COL21A1: variants seen among roughly 807,000 people sequenced by gnomAD.
COL21A1 encodes collagen alpha-1(XXI) chain.
COL21A1 carries 149 observed loss-of-function variants against 137.9 expected under a neutral mutation model. The ratio of observed to expected loss-of-function variants is 1.08; its 90% confidence interval spans 0.95 to 1.24. The LOEUF (loss-of-function observed/expected upper bound fraction) is 1.24. COL21A1 is among the 50% of genes most tolerant of loss of function. COL21A1 has a pLI of 0.00. For missense variants in COL21A1, 1,167 were observed against 1,158.4 expected, an observed-to-expected ratio of 1.01 and a Z score of -0.11; for synonymous variants, 456 against 391.5, an observed-to-expected ratio of 1.16 and a Z score of -1.95.
At chr6:56,124,679 T>C (rs974701970) in intron 14 of COL21A1, among the ~76,000 whole-genome samples, 1 of 152,196 alleles carries the variant, frequency 6.6e-6, no homozygotes, top group African/African-American at 2.4e-5. Flanking sequence ...TCTCACTCTG[T>C]TGCCCAGGCT....
intron 3 of COL21A1, among the ~76,000 whole-genome samples, chr6:56,171,582 T>C (rs1335603927): frequency 6.6e-6 from 1 of 151,970 alleles, no homozygotes; most frequent in Non-Finnish European, 1.5e-5. Flanking sequence ...AATTCTTTTC[T>C]TGCATTCTTA....
intron 17 of COL21A1, among the ~76,000 whole-genome samples, chr6:56,093,621 C>T (rs1308126156): frequency 2.0e-5 from 3 of 152,152 alleles, no homozygotes; most frequent in African/African-American, 2.4e-5. Flanking sequence ...CCCTGCCAGC[C>T]TTGGAACCAC....
chr6:56,193,725 T>C (rs1435426295), intron 1 of COL21A1, among the ~76,000 whole-genome samples: 1 of 151,994 alleles, frequency 6.6e-6, no homozygotes, highest in African/African-American at 2.4e-5. Context: ...CCCCTCTGCA[T>C]AAAGAGTTAT....
chr6:56,308,784 T>C (rs4712128), intron 1 of COL21A1, among the ~76,000 whole-genome samples: 114,903 of 152,142 alleles, frequency 0.76, 45,401 homozygotes, highest in South Asian at 0.89. Context: ...TTGTACTAGC[T>C]ACATATCAAG....
At chr6:56,274,342 A>G (rs1763592472) in intron 1 of COL21A1, among the ~76,000 whole-genome samples, 1 of 152,164 alleles carries the variant, frequency 6.6e-6, no homozygotes, top group African/African-American at 2.4e-5. Flanking sequence ...CTCCTATTCA[A>G]CATAGTACTG....
chr6:56,322,646 G>A (rs1167668943), intron 1 of COL21A1, among the ~76,000 whole-genome samples: 1 of 152,052 alleles, frequency 6.6e-6, no homozygotes, highest in Non-Finnish European at 1.5e-5. Context: ...GGTGTACTAA[G>A]TGAATACTAG....
chr6:56,322,044 T>A (rs570604716), intron 1 of COL21A1, among the ~76,000 whole-genome samples: 2 of 151,908 alleles, frequency 1.3e-5, no homozygotes, highest in African/African-American at 4.8e-5. Flanking sequence ...AGCTAAGTGG[T>A]TGGACTGAGA....
chr6:56,158,543 A>G (rs2152260969), intron 9 of COL21A1, among the ~76,000 whole-genome samples: 1 of 152,132 alleles, frequency 6.6e-6, no homozygotes, highest in Middle Eastern at 3.4e-3. Flanking sequence ...AAGTGGTGGT[A>G]TTACAGTTGT....
Position 56,069,119 on chromosome 6 carries a change from T to G in COL21A1, c.2020-2A>C. 6.3e-7 allele frequency: 1 copy of G among 1,589,236 alleles called. No individual in the cohort carries two copies. The highest frequency in any genetic ancestry group is 8.6e-7 in the Non-Finnish European group (1 of 1,167,064). On this transcript the variant is annotated splice_acceptor_variant, in intron 21 of 29. Coordinates refer to ENST00000244728, the MANE Select transcript of COL21A1 (RefSeq NM_030820.4). LOFTEE classifies it high-confidence loss of function. The stretch of plus-strand genomic sequence containing the variant: ...GGAACCCGTTGCTCCTGGTTCTCCC[T>G]ATGTAACACAGAAATTCCAGAAAGA...
At chr6:56,136,318 C>G (rs571966890) in intron 12 of COL21A1, among the ~76,000 whole-genome samples, 1 of 152,290 alleles carries the variant, frequency 6.6e-6, no homozygotes, top group South Asian at 2.1e-4. Flanking sequence ...CTACTCTAGC[C>G]TACCTATTGT....
At chr6:56,361,564 C>G (rs1489987568) in intron 1 of COL21A1, among the ~76,000 whole-genome samples, 1 of 152,038 alleles carries the variant, frequency 6.6e-6, no homozygotes, top group Admixed American at 6.6e-5. Context: ...TTGGTTACTA[C>G]AGGAAGATAA....
At chr6:56,185,492 G>A (rs897068646) in intron 1 of COL21A1, among the ~76,000 whole-genome samples, 4 of 137,794 alleles carry the variant, frequency 2.9e-5, no homozygotes, top group Non-Finnish European at 6.1e-5. Flanking sequence ...GCGGACTGCA[G>A]TGGCGCAATC....
chr6:56,146,888 G>C (rs956801099), intron 10 of COL21A1, among the ~76,000 whole-genome samples: 3 of 152,052 alleles, frequency 2.0e-5, no homozygotes, highest in Admixed American at 6.6e-5. Context: ...TCTCATATAG[G>C]AAAGGTAAAC....
chr6:56,197,835 A>G (rs550167845), intron 1 of COL21A1, among the ~76,000 whole-genome samples: 2 of 152,274 alleles, frequency 1.3e-5, no homozygotes, highest in African/African-American at 4.8e-5. Flanking sequence ...TATATGAACC[A>G]GTAATTTTAC....
chr6:56,333,145 A>G (rs935184318), intron 1 of COL21A1, among the ~76,000 whole-genome samples: 8 of 152,048 alleles, frequency 5.3e-5, no homozygotes, highest in Non-Finnish European at 2.9e-5. Flanking sequence ...ACAATAAACT[A>G]CACATGTTTA....
At chr6:56,335,645 T>C (rs1324912799) in intron 1 of COL21A1, among the ~76,000 whole-genome samples, 8 of 152,170 alleles carry the variant, frequency 5.3e-5, no homozygotes, top group South Asian at 2.1e-4. Flanking sequence ...TTTTCCACTT[T>C]AAAGTTTTCC....
At position 56,080,791 on chromosome 6, in the gene COL21A1, A is replaced by G. The variant is rs894731647; in HGVS notation, c.1813-3218T>C. Among the ~76,000 whole-genome samples the G allele has an allele frequency of 1.1e-4, 16 of 152,006 alleles. No individual in the cohort carries two copies. In the East Asian group the frequency reaches 2.5e-3, roughly 24 times the overall value. ...GTATATTACATGTTTTCTTCATTAT[A>G]TCAAGAAGTGATTTATTCATTCTTA... On this transcript the variant is annotated intron_variant, in intron 17 of 29. Transcript: ENST00000244728.
rs527249503 is a variant in COL21A1 at position 56,182,630 on chromosome 6, C to T, written c.-12G>A. The T allele has an allele frequency of 7.0e-6, 11 of 1,579,348 alleles. No individual in the cohort carries two copies. The highest frequency in any genetic ancestry group is 2.3e-5 in the East Asian group (1 of 44,232). The stretch of plus-strand genomic sequence containing the variant: ...ATATAGTGAGCCATGTTTCTGTTTT[C>T]GTTCTAATATTTTGGTTTTAGGATT... On this transcript the variant is annotated 5_prime_UTR_variant, in exon 2 of 30. Transcript: ENST00000244728.
chr6:56,203,191 T>G (rs1270082093), intron 1 of COL21A1, among the ~76,000 whole-genome samples: 1 of 152,154 alleles, frequency 6.6e-6, no homozygotes, highest in Non-Finnish European at 1.5e-5. Context: ...CTATCTAACC[T>G]TCCAATTCAT....
Sources: allele counts gnomAD v4.1 joint callset (sites outside exome capture counted in the v4.1 genomes callset), GRCh38; gene constraint gnomAD v4.1.1; transcripts MANE v1.5; gene names NCBI Gene and HGNC (gene_info 2026-07-23, HGNC 2026-07-21).